ENOX2: variants seen among roughly 807,000 people sequenced by gnomAD.
ENOX2 encodes APK1 antigen.
ENOX2 carries 36 observed loss-of-function variants against 45.0 expected under a neutral mutation model. The ratio of observed to expected loss-of-function variants is 0.80; its 90% CI spans 0.61 to 1.06. The LOEUF is 1.06. Ranked by LOEUF, ENOX2 falls within the 50% of genes least tolerant of loss-of-function variation. The pLI, the probability that ENOX2 is intolerant of heterozygous loss-of-function variation, is 0.00. For synonymous variants in ENOX2, 174 were observed against 152.3 expected (o/e 1.14, Z -1.05); for missense variants, 423 against 462.5 (o/e 0.91, Z 0.78).
intron 10 of ENOX2, among the ~76,000 whole-genome samples, chrX:130,648,468 A>T (rs766328686): frequency 1.8e-3 from 199 of 111,447 alleles, no homozygotes; most frequent in Non-Finnish European, 2.8e-3. Flanking sequence ...TTAAACAATT[A>T]AAATTATTAG....
chrX:130,897,705 G>A (rs2079080824), intron 2 of ENOX2, among the ~76,000 whole-genome samples: 1 of 112,084 alleles, frequency 8.9e-6, no homozygotes, highest in Admixed American at 9.4e-5. Flanking sequence ...ATCACAGAAG[G>A]AAAACCTAAT....
At chrX:130,846,652 TGCTAA>T (rs1490689133) in intron 2 of ENOX2, among the ~76,000 whole-genome samples, 2 of 112,779 alleles carry the variant, frequency 1.8e-5, no homozygotes. Context: ...TCTTTTACAA[TGCTAA>T]GCTAACATTG....
intron 2 of ENOX2, among the ~76,000 whole-genome samples, chrX:130,895,956 C>A (rs1225039354): frequency 1.8e-5 from 2 of 112,539 alleles, no homozygotes; most frequent in East Asian, 2.8e-4. Flanking sequence ...CACATTTGGG[C>A]TGTTTTAAAC....
At chrX:130,811,448 G>A (rs1413873421) in intron 2 of ENOX2, among the ~76,000 whole-genome samples, 2 of 112,102 alleles carry the variant, frequency 1.8e-5, no homozygotes, top group East Asian at 5.6e-4. Context: ...CCAGGCACTA[G>A]GTCCATCCAC....
chrX:130,649,000 G>A (rs1238407261), intron 10 of ENOX2, among the ~76,000 whole-genome samples: 4 of 89,660 alleles, frequency 4.5e-5, no homozygotes, highest in Admixed American at 1.4e-4. Context: ...AGCCAAGATC[G>A]CGCCACAGCA....
At chrX:130,657,791 C>T (rs1174285254) in intron 9 of ENOX2, among the ~76,000 whole-genome samples, 1 of 111,381 alleles carries the variant, frequency 9.0e-6, no homozygotes, top group Non-Finnish European at 1.9e-5. Flanking sequence ...AGGATAAAGC[C>T]CAAAATTACT....
chrX:130,663,202 T>C (rs959315056), intron 9 of ENOX2, among the ~76,000 whole-genome samples: 4 of 112,243 alleles, frequency 3.6e-5, no homozygotes, highest in African/African-American at 1.3e-4. Context: ...TGAATATGAT[T>C]GATGGATAAT....
At chrX:130,664,059 TA>T (rs1397844126) in intron 9 of ENOX2, among the ~76,000 whole-genome samples, 1 of 111,858 alleles carries the variant, frequency 8.9e-6, no homozygotes, top group Non-Finnish European at 1.9e-5. Flanking sequence ...CCTAATTCTT[TA>T]AAAAACAAGT....
intron 2 of ENOX2, among the ~76,000 whole-genome samples, chrX:130,876,551 C>T (rs1367242641): frequency 9.0e-6 from 1 of 111,591 alleles, no homozygotes; most frequent in African/African-American, 3.3e-5. Context: ...GAGGGTTGCA[C>T]AACCCTGTGA....
At chrX:130,654,127 C>T (rs373285671) in intron 10 of ENOX2, among the ~76,000 whole-genome samples, 2 of 112,002 alleles carry the variant, frequency 1.8e-5, no homozygotes, top group African/African-American at 6.5e-5. Flanking sequence ...TTACTGGGTA[C>T]AGTACTTTCC....
chrX:130,873,533 C>A (rs1448731379), intron 2 of ENOX2, among the ~76,000 whole-genome samples: 1 of 111,717 alleles, frequency 9.0e-6, no homozygotes, highest in Non-Finnish European at 1.9e-5. Flanking sequence ...ACCCAGCAAT[C>A]CCATTACTGG....
chrX:130,800,349 A>C (rs766930637), intron 2 of ENOX2, among the ~76,000 whole-genome samples: 4 of 110,772 alleles, frequency 3.6e-5, no homozygotes, highest in South Asian at 3.8e-4. Flanking sequence ...AGTCAAAAAA[A>C]AAAAAAAAAC....
At chrX:130,887,232 A>T (rs1339806324) in intron 2 of ENOX2, among the ~76,000 whole-genome samples, 3 of 111,434 alleles carry the variant, frequency 2.7e-5, no homozygotes, top group Non-Finnish European at 5.7e-5. Flanking sequence ...TGTACCAGGA[A>T]CATTGTGACA....
At chrX:130,758,935 G>A (rs1268843930) in intron 3 of ENOX2, among the ~76,000 whole-genome samples, 1 of 110,795 alleles carries the variant, frequency 9.0e-6, no homozygotes, top group Admixed American at 9.6e-5. Flanking sequence ...CGTTGAATTT[G>A]AGAGTTCTTT....
At chrX:130,871,435 A>T (rs2078586824) in intron 2 of ENOX2, among the ~76,000 whole-genome samples, 1 of 111,021 alleles carries the variant, frequency 9.0e-6, no homozygotes, top group African/African-American at 3.3e-5. Context: ...GCACATACAA[A>T]CTCACTAAAG....
At chrX:130,625,649 G>A (rs2035524771) in intron 14 of ENOX2, among the ~76,000 whole-genome samples, 1 of 111,660 alleles carries the variant, frequency 9.0e-6, no homozygotes, top group Non-Finnish European at 1.9e-5. Flanking sequence ...ATCAGACAGG[G>A]TCTGCTGAGT....
chrX:130,832,005 T>C (rs2077840602), intron 2 of ENOX2, among the ~76,000 whole-genome samples: 1 of 110,835 alleles, frequency 9.0e-6, no homozygotes, highest in African/African-American at 3.3e-5. Flanking sequence ...GCTTTCATGA[T>C]CCCAAACCTT....
At chrX:130,891,490 GTTT>G (rs140444679) in intron 2 of ENOX2, among the ~76,000 whole-genome samples, 155 of 44,530 alleles carry the variant, frequency 3.5e-3, no homozygotes, top group African/African-American at 0.017. Flanking sequence ...ACACTATATG[GTTT>G]TTTTTTTTTT....
At chrX:130,761,000 T>A (rs2039477696) in intron 3 of ENOX2, among the ~76,000 whole-genome samples, 2 of 109,588 alleles carry the variant, frequency 1.8e-5, no homozygotes, top group South Asian at 7.8e-4. Flanking sequence ...GAACCACCCT[T>A]GTAGCCCTGG....
Sources: gnomAD v4.1 joint callset for allele counts (sites outside exome capture counted in the v4.1 genomes callset) on GRCh38, gnomAD v4.1.1 for gene constraint, MANE v1.5 for transcripts, NCBI Gene and HGNC (gene_info 2026-07-23, HGNC 2026-07-21) for gene names.